The following ULK2 variants were observed in gnomAD, a reference collection of about 807,000 sequenced individuals.
ULK2 encodes serine/threonine-protein kinase ULK2.
A neutral mutation model predicts 127.5 loss-of-function variants in ULK2; 76 were observed. That is an observed-to-expected ratio of 0.60 (90% CI 0.50 to 0.72). The LOEUF is 0.72. Among genes scored for constraint, ULK2 ranks in the 30% least tolerant of loss-of-function variants. The pLI is 0.00. For synonymous variants in ULK2, 452 were observed against 461.9 expected (o/e 0.98, Z 0.28); for missense variants, 1,144 against 1,295.9 (o/e 0.88, Z 1.80).
At chr17:19,824,895 G>C (rs905944218) in intron 12 of ULK2, among the ~76,000 whole-genome samples, 199 bp downstream of exon 12, 2 of 152,136 alleles carry the variant, frequency 1.3e-5, no homozygotes, top group Admixed American at 6.5e-5. Context: ...TTTCTTTCTG[G>C]AGCTTACACA....
At chr17:19,815,582 C>T (rs965326408) in intron 13 of ULK2, among the ~76,000 whole-genome samples, 4 of 152,176 alleles carry the variant, frequency 2.6e-5, no homozygotes, top group Non-Finnish European at 5.9e-5. Flanking sequence ...CGCCCAGCAA[C>T]TTATGGCATT....
intron 25 of ULK2, among the ~76,000 whole-genome samples, chr17:19,778,211 G>A (rs1333017659): frequency 1.3e-5 from 2 of 152,208 alleles, no homozygotes; most frequent in East Asian, 1.9e-4. Context: ...CAGGCACTGC[G>A]CCTACAATGA....
intron 14 of ULK2, among the ~76,000 whole-genome samples, chr17:19,807,542 G>T (rs532725960): frequency 6.6e-6 from 1 of 152,172 alleles, no homozygotes; most frequent in South Asian, 2.1e-4. Context: ...AGCTATTGAA[G>T]GCACTATTAC....
Position 19,783,809 on chromosome 17 carries a change from C to G in ULK2, c.2348G>C (p.Gly783Ala), listed in dbSNP as rs749058003. 18 of 1,604,430 alleles carry G rather than the reference C, an allele frequency of 1.1e-5. No homozygotes were observed. The highest frequency in any genetic ancestry group is 1.4e-5 in the Non-Finnish European group (17 of 1,175,280). Residue 783 changes from glycine (G) to alanine (A), a missense_variant, in exon 22 of 27, where the codon GGA (glycine) becomes GCA (alanine). By Grantham distance (60) the Gly-to-Ala change is moderately conservative. Around this residue, in one of 2 missense-constraint regions of ULK2, gnomAD observed 913 missense variants for 970.5 expected, o/e 0.94. Transcript: ENST00000395544. ...TCTCAGGCTGGGAGCTGCCTCTGCT[C>G]CTGGAGGGGAAGAGCCGAAGCCTGG... ...PGPGFGSSPP[G>A]AEAAPSLRYV... is the part of the protein sequence containing the mutation.
chr17:19,863,778 A>G (rs2042294161), intron 3 of ULK2, among the ~76,000 whole-genome samples: 1 of 152,152 alleles, frequency 6.6e-6, no homozygotes, highest in African/African-American at 2.4e-5. Flanking sequence ...GAGATCTGAA[A>G]AGGATTTCCA....
At chr17:19,837,724 G>A (rs1345827133) in intron 10 of ULK2, among the ~76,000 whole-genome samples, 2 of 152,094 alleles carry the variant, frequency 1.3e-5, no homozygotes, top group Admixed American at 6.6e-5. Flanking sequence ...AGTGAATGCT[G>A]TTGCCTCTAC....
At chr17:19,776,538 A>G (rs1597697139) in intron 26 of ULK2, 131 bp from the exon 27 acceptor site, 1 of 876,952 alleles carries the variant, frequency 1.1e-6, no homozygotes, top group Non-Finnish European at 1.7e-6. Context: ...TAGTTTAGAT[A>G]TGACTTCTAG....
intron 13 of ULK2, chr17:19,816,538 GT>G (rs1341961699): frequency 2.8e-6 from 1 of 358,964 alleles, no homozygotes; most frequent in Non-Finnish European, 4.9e-6. Context: ...AAGTTTTCAT[GT>G]ACCTTCAGAA....
chr17:19,849,503 G>A, intron 4 of ULK2, 98 bp from the exon 5 acceptor site: 3 of 1,247,434 alleles, frequency 2.4e-6, no homozygotes, highest in Non-Finnish European at 3.4e-6. Flanking sequence ...TGTATATAAT[G>A]TCATGTAAAT....
intron 3 of ULK2, among the ~76,000 whole-genome samples, chr17:19,853,408 G>T (rs942035730): frequency 1.3e-5 from 2 of 151,994 alleles, no homozygotes; most frequent in African/African-American, 4.8e-5. Flanking sequence ...AAAGTGCTGG[G>T]ATTACAAGCA....
chr17:19,776,152 T>C lies in ULK2; in HGVS notation c.*197A>G. ...CTACAAAGAAAAAGGGAAAGGGTGA[T>C]TTTCTCCAATAAGGCAGATTTCCTA... On this transcript the variant is annotated 3_prime_UTR_variant, in exon 27 of 27. Transcript: ENST00000395544. 1 of 516,850 alleles carries C rather than the reference T, an allele frequency of 1.9e-6. No individual in the cohort carries two copies. 32.0% of individuals were successfully genotyped at this position (516,850 alleles called of 1,614,324 possible).
At chr17:19,790,061 A>T (rs2087119034) in intron 20 of ULK2, among the ~76,000 whole-genome samples, 1 of 152,190 alleles carries the variant, frequency 6.6e-6, no homozygotes, top group Non-Finnish European at 1.5e-5. Context: ...AGAAGCAAGG[A>T]GATAGAGTAT....
intron 13 of ULK2, among the ~76,000 whole-genome samples, chr17:19,812,938 C>T (rs1428456953): frequency 6.6e-6 from 1 of 152,150 alleles, no homozygotes; most frequent in African/African-American, 2.4e-5. Flanking sequence ...TACATTCATA[C>T]TTGGGACAGA....
chr17:19,825,221 G>A (rs1597773219), intron 11 of ULK2, 39 bp from the exon 12 acceptor site: 1 of 1,574,668 alleles, frequency 6.4e-7, no homozygotes, highest in Non-Finnish European at 8.7e-7. Context: ...TCATTTTGTA[G>A]TGCAGTCACA....
chr17:19,865,692 TAA>T, intron 2 of ULK2, 42 bp downstream of exon 2: 1 of 1,185,568 alleles, frequency 8.4e-7, no homozygotes, highest in Non-Finnish European at 1.2e-6. Flanking sequence ...TCATTTAAAT[TAA>T]GTTTTAACCT....
At chr17:19,858,944 T>C (rs1010929868) in intron 3 of ULK2, among the ~76,000 whole-genome samples, 2 of 151,646 alleles carry the variant, frequency 1.3e-5, no homozygotes, top group African/African-American at 4.8e-5. Flanking sequence ...CACTCCAACC[T>C]GGGCAACAGA....
At chr17:19,777,038 CATCTATTTATCT>C (rs993490227) in intron 26 of ULK2, among the ~76,000 whole-genome samples, 6 of 152,160 alleles carry the variant, frequency 3.9e-5, no homozygotes, top group African/African-American at 1.4e-4. Context: ...TCTAGTTATG[CATCTATTTATCT>C]ATATATCTAT....
rs1052170956 is a variant in ULK2 at position 19,825,080 on chromosome 17, A to G, written c.924+14T>C. On this transcript the variant is annotated intron_variant, in intron 12 of 26. Coordinates refer to ENST00000395544, the MANE Select transcript of ULK2 (RefSeq NM_014683.4). ...CACTAACTCTGAAATTATTTTTAAT[A>G]AACTGTAACTTACTGGTGGAGAAGC... 9 of 1,611,710 alleles carry G rather than the reference A, an allele frequency of 5.6e-6. No homozygotes were observed. The African/African-American group carries it at 6.7e-5, about 12-fold the overall frequency.
intron 11 of ULK2, among the ~76,000 whole-genome samples, chr17:19,825,647 T>G (rs761428090): frequency 2.0e-5 from 3 of 150,646 alleles, no homozygotes; most frequent in African/African-American, 2.4e-5. Context: ...GAAGCAGAGG[T>G]TGTACCACTG....
Sources: gnomAD v4.1 joint callset for allele counts (sites outside exome capture counted in the v4.1 genomes callset) on GRCh38, gnomAD v4.1.1 for gene constraint, gnomAD v4.1.1 regional missense constraint, MANE v1.5 for transcripts, NCBI Gene and HGNC (gene_info 2026-07-23, HGNC 2026-07-21) for gene names.